The following AKAP19 variants were observed in gnomAD, a reference collection of about 807,000 sequenced individuals.
The protein encoded by AKAP19 is A-kinase anchoring protein 19.
At chr2:190,043,740 C>T in the AKAP19 span, among the ~76,000 whole-genome samples, 1 of 152,184 alleles carries the variant, frequency 6.6e-6, no homozygotes, top group Non-Finnish European at 1.5e-5. Context: ...AGAACTGGTG[C>T]AGTCGTTTGG....
At chr2:189,946,187 T>C in the AKAP19 span, among the ~76,000 whole-genome samples, 39 of 152,218 alleles carry the variant, frequency 2.6e-4, no homozygotes, top group Non-Finnish European at 4.9e-4. Context: ...TCCTTGATTG[T>C]ATGAATTAGA....
At chr2:189,889,839 C>T in the AKAP19 span, among the ~76,000 whole-genome samples, 5 of 152,024 alleles carry the variant, frequency 3.3e-5, no homozygotes, top group Non-Finnish European at 5.9e-5. Flanking sequence ...ATTAGTCTGG[C>T]TAGTGGTCTA....
the AKAP19 span, among the ~76,000 whole-genome samples, chr2:189,965,150 G>A: frequency 6.6e-6 from 1 of 152,114 alleles, no homozygotes; most frequent in Non-Finnish European, 1.5e-5. Flanking sequence ...TTAGGGTATA[G>A]GGAAGCCCAA....
chr2:190,145,344 A>G, the AKAP19 span, among the ~76,000 whole-genome samples: 932 of 152,248 alleles, frequency 6.1e-3, 8 homozygotes, highest in African/African-American at 0.021. Context: ...TATTGTATAG[A>G]TACACTGTGA....
chr2:190,011,046 C>T, the AKAP19 span, among the ~76,000 whole-genome samples: 2 of 128,648 alleles, frequency 1.6e-5, no homozygotes, highest in Non-Finnish European at 3.1e-5. Flanking sequence ...CATTCTCTCT[C>T]TCTCTTTTTT....
chr2:190,013,835 TCTAG>T, the AKAP19 span, among the ~76,000 whole-genome samples: 1 of 152,180 alleles, frequency 6.6e-6, no homozygotes, highest in South Asian at 2.1e-4. Context: ...TATTTTTTAG[TCTAG>T]CTAAAGATTT....
chr2:190,137,974 T>C, the AKAP19 span: 1 of 11,040 alleles, frequency 9.1e-5, no homozygotes, highest in Non-Finnish European at 3.9e-4. Context: ...TTAACTATAA[T>C]GGAATATATG....
At chr2:189,987,496 A>C in the AKAP19 span, among the ~76,000 whole-genome samples, 1 of 152,218 alleles carries the variant, frequency 6.6e-6, no homozygotes. Flanking sequence ...CAGTCCTTAA[A>C]GCAACCCTCA....
chr2:189,994,593 G>GTTATTA, the AKAP19 span, among the ~76,000 whole-genome samples: 2 of 150,648 alleles, frequency 1.3e-5, no homozygotes, highest in Non-Finnish European at 3.0e-5. Context: ...TATTATTATT[G>GTTATTA]TTATTATTAT....
chr2:190,122,725 A>T, the AKAP19 span, among the ~76,000 whole-genome samples: 2 of 152,064 alleles, frequency 1.3e-5, no homozygotes, highest in Non-Finnish European at 2.9e-5. Flanking sequence ...ACAGTTTCAC[A>T]TTGCATTGTA....
At chr2:189,938,106 C>T in the AKAP19 span, among the ~76,000 whole-genome samples, 15 of 152,104 alleles carry the variant, frequency 9.9e-5, no homozygotes, top group African/African-American at 3.1e-4. Flanking sequence ...GAGGCTGAGG[C>T]GTGTGGATTG....
At chr2:190,192,139 G>T in the AKAP19 span, among the ~76,000 whole-genome samples, 18 of 152,068 alleles carry the variant, frequency 1.2e-4, no homozygotes, top group East Asian at 3.5e-3. Context: ...AAAGTATAAG[G>T]TATAAGTAGA....
At chr2:190,192,482 G>GTGTT in the AKAP19 span, among the ~76,000 whole-genome samples, 10 of 146,416 alleles carry the variant, frequency 6.8e-5, no homozygotes, top group African/African-American at 2.6e-4. Context: ...GTGTGTGTGT[G>GTGTT]TGTGTGTGTA....
At chr2:189,961,429 C>A in the AKAP19 span, among the ~76,000 whole-genome samples, 1 of 152,046 alleles carries the variant, frequency 6.6e-6, no homozygotes, top group African/African-American at 2.4e-5. Context: ...AATAAGACTG[C>A]CTTTACCATA....
chr2:189,980,946 G>A, the AKAP19 span, among the ~76,000 whole-genome samples: 1 of 152,276 alleles, frequency 6.6e-6, no homozygotes, highest in East Asian at 1.9e-4. Context: ...CAGAGCATGT[G>A]GTCAAGTTTA....
the AKAP19 span, among the ~76,000 whole-genome samples, chr2:189,963,199 C>CTTTTTTTTTTTTTTTT: frequency 1.5e-5 from 2 of 136,864 alleles, no homozygotes; most frequent in African/African-American, 2.9e-5. Context: ...CTTCACTTCT[C>CTTTTTTTTTTTTTTTT]TTTTTTTTTT....
At chr2:190,183,320 G>A in the AKAP19 span, among the ~76,000 whole-genome samples, 1 of 152,106 alleles carries the variant, frequency 6.6e-6, no homozygotes, top group African/African-American at 2.4e-5. Flanking sequence ...GAATTCGCTG[G>A]ACTCAGCCCT....
At chr2:190,168,048 G>A in the AKAP19 span, among the ~76,000 whole-genome samples, 1 of 152,262 alleles carries the variant, frequency 6.6e-6, no homozygotes, top group African/African-American at 2.4e-5. Flanking sequence ...CTCCATGAGG[G>A]CCCTGCCCCT....
chr2:189,907,706 T>G, the AKAP19 span, among the ~76,000 whole-genome samples: 1 of 152,094 alleles, frequency 6.6e-6, no homozygotes, highest in Non-Finnish European at 1.5e-5. Flanking sequence ...GTCTGAGTAG[T>G]AGAATTATAG....
Sources: gnomAD v4.1 joint callset for allele counts (sites outside exome capture counted in the v4.1 genomes callset) on GRCh38, gnomAD v4.1.1 for gene constraint, MANE v1.5 for transcripts, NCBI Gene and HGNC (gene_info 2026-07-23, HGNC 2026-07-21) for gene names.